Variants in AKAP10 observed in about 807,000 individuals in gnomAD.
AKAP10 encodes A-kinase anchoring protein 10, also known as A-kinase anchor protein 10, mitochondrial.
Under a neutral mutation model 80.8 loss-of-function variants are expected in AKAP10, and 24 were observed. The observed-to-expected ratio is 0.30, with a 90% CI of 0.22 to 0.42. The LOEUF (loss-of-function observed/expected upper bound fraction) is 0.42. Among genes scored for constraint, AKAP10 ranks in the 10% least tolerant of loss-of-function variants. The probability of loss-of-function intolerance (pLI) is 1.00; values close to 1 mark genes in which losing one functional copy is unlikely to be tolerated. For synonymous variants in AKAP10, 291 were observed against 277.7 expected (o/e 1.05, Z -0.48); for missense variants, 661 against 794.9 (o/e 0.83, Z 2.03).
rs1597485801 is a variant in AKAP10 at position 19,909,113 on chromosome 17, T to C, written c.1983+68A>G. The C allele has an allele frequency of 5.8e-6, 8 of 1,383,486 alleles. No individual in the cohort carries two copies. The East Asian group carries it at 1.2e-4, about 20-fold the overall frequency. The allele number at this position is 1,383,486 out of a possible 1,614,324, so 85.7% of individuals were successfully genotyped here. On this transcript the variant is annotated intron_variant, in intron 14 of 14. Coordinates refer to ENST00000225737, the MANE Select transcript of AKAP10 (RefSeq NM_007202.4). ...CCTTCAAAGGCAAAGAAACCCCTTATGTTCTTTTTTATTTTTACACCTGGA... is the reference window on the plus strand; with the variant it reads ...CCTTCAAAGGCAAAGAAACCCCTTACGTTCTTTTTTATTTTTACACCTGGA...
rs2043127062 is a variant in AKAP10, at chr17:19,946,271, ATATAT to A, written c.976+1131_976+1135del. Among the ~76,000 whole-genome samples, 12 of 23,354 alleles carry A rather than the reference ATATAT, an allele frequency of 5.1e-4. 2 individuals carry two copies. The highest frequency in any genetic ancestry group is 1.4e-3 in the East Asian group (1 of 718). The allele number at this position is 23,354 out of a possible 152,430, so 15.3% of individuals were successfully genotyped here. ...TATATATATATATATATATATATATATATATTTTTTTTTTTTTTTTTTTTTTTTGG... is the reference window on the plus strand; with the variant it reads ...TATATATATATATATATATATATATATTTTTTTTTTTTTTTTTTTTTTTGG... On this transcript the variant is annotated intron_variant, in intron 5 of 14. Coordinates refer to ENST00000225737, the MANE Select transcript of AKAP10 (RefSeq NM_007202.4).
intron 7 of AKAP10, 96 bp from the exon 8 acceptor site, chr17:19,939,945 A>T: frequency 7.3e-7 from 1 of 1,360,658 alleles, no homozygotes. Context: ...TACAGGTCAT[A>T]AGCAAAAAAC....
At chr17:19,933,793 T>C (rs2042963519) in intron 9 of AKAP10, among the ~76,000 whole-genome samples, 1 of 152,208 alleles carries the variant, frequency 6.6e-6, no homozygotes, top group Non-Finnish European at 1.5e-5. Context: ...TTAAGTTTTT[T>C]CACCTGGATA....
At chr17:19,974,906 G>A (rs994916765) in intron 1 of AKAP10, among the ~76,000 whole-genome samples, 2 of 151,968 alleles carry the variant, frequency 1.3e-5, no homozygotes, top group Non-Finnish European at 2.9e-5. Flanking sequence ...CTGGCCTCAG[G>A]TGATCCTCCT....
chr17:19,927,299 A>G (rs1014935205), intron 10 of AKAP10, among the ~76,000 whole-genome samples: 2 of 152,160 alleles, frequency 1.3e-5, no homozygotes, highest in African/African-American at 4.8e-5. Flanking sequence ...GTGCCACTGC[A>G]CTCCAGCCTG....
chr17:19,972,379 G>A (rs894568716), intron 1 of AKAP10, among the ~76,000 whole-genome samples: 7 of 152,034 alleles, frequency 4.6e-5, no homozygotes, highest in Non-Finnish European at 8.8e-5. Context: ...TTCCATACAC[G>A]TCCTGGATGT....
At position 19,958,329 on chromosome 17, in the gene AKAP10, G is replaced by T; in HGVS notation, c.562C>A (p.Pro188Thr). 1.2e-6 allele frequency: 2 copies of T among 1,614,208 alleles called. No individual in the cohort carries two copies. The highest frequency in any genetic ancestry group is 1.7e-6 in the Non-Finnish European group (2 of 1,180,036). ...KQSSLAEPVSPSKKHETTASF... is the reference protein window; with the variant it reads ...KQSSLAEPVSTSKKHETTASF... ...GCTGTAGTTTCATGCTTTTTAGATGGAGAGACAGGCTCAGCCAGTGAGCTC... is the reference window on the plus strand; with the variant it reads ...GCTGTAGTTTCATGCTTTTTAGATGTAGAGACAGGCTCAGCCAGTGAGCTC... Residue 188 changes from proline to threonine, a missense_variant, in exon 4 of 15, where the codon CCA (proline) becomes ACA (threonine). Coordinates refer to ENST00000225737, the MANE Select transcript of AKAP10 (RefSeq NM_007202.4).
chr17:19,945,885 A>G (rs2043098367), intron 5 of AKAP10, among the ~76,000 whole-genome samples: 1 of 152,022 alleles, frequency 6.6e-6, no homozygotes, highest in African/African-American at 2.4e-5. Flanking sequence ...AGAATGTAAT[A>G]TTTATTGAAT....
chr17:19,955,975 GAAAC>G (rs1258652438), intron 4 of AKAP10, among the ~76,000 whole-genome samples: 1 of 152,176 alleles, frequency 6.6e-6, no homozygotes, highest in Non-Finnish European at 1.5e-5. Flanking sequence ...GTGGGAGGCA[GAAAC>G]AAATACAGGC....
At chr17:19,917,088 C>T (rs978547448) in intron 12 of AKAP10, among the ~76,000 whole-genome samples, 5 of 151,730 alleles carry the variant, frequency 3.3e-5, no homozygotes, top group African/African-American at 1.2e-4. Context: ...CATGGTGAAA[C>T]CCCATCTCTA....
chr17:19,954,359 T>C (rs910665780), intron 4 of AKAP10, among the ~76,000 whole-genome samples: 5 of 151,994 alleles, frequency 3.3e-5, no homozygotes, highest in African/African-American at 1.2e-4. Context: ...CAACAAATGG[T>C]ATTAGAACAA....
chr17:19,968,852 C>T (rs1279912755), intron 1 of AKAP10, among the ~76,000 whole-genome samples: 1 of 152,060 alleles, frequency 6.6e-6, no homozygotes, highest in African/African-American at 2.4e-5. Context: ...AAATATATAC[C>T]TGTAAGGGGC....
chr17:19,949,076 C>T lies in AKAP10; in HGVS notation c.878-1571G>A, dbSNP rs141653962. Among the ~76,000 whole-genome samples, 401 of 152,108 alleles carry T rather than the reference C, an allele frequency of 2.6e-3. 1 individual carries two copies. The highest frequency in any genetic ancestry group is 9.1e-3 in the African/African-American group (379 of 41,482). On this transcript the variant is annotated intron_variant, in intron 4 of 14. Coordinates refer to ENST00000225737, the MANE Select transcript of AKAP10 (RefSeq NM_007202.4). Reference sequence around the variant, plus strand: ...AGAACCAGAAAATCCCATTATCTCACAAGAGAAAAGACAATCAAGAGGACA... The same window carrying T: ...AGAACCAGAAAATCCCATTATCTCATAAGAGAAAAGACAATCAAGAGGACA...
intron 9 of AKAP10, among the ~76,000 whole-genome samples, chr17:19,933,985 G>A (rs987549384): frequency 2.0e-5 from 3 of 152,020 alleles, no homozygotes; most frequent in East Asian, 1.9e-4. Flanking sequence ...GCAATGGTGC[G>A]ATCTCAGCTC....
chr17:19,959,135 G>A (rs542002968), intron 3 of AKAP10, among the ~76,000 whole-genome samples: 2 of 151,934 alleles, frequency 1.3e-5, no homozygotes, highest in Non-Finnish European at 2.9e-5. Flanking sequence ...TTGCAGGCGT[G>A]AGCCACTGCG....
chr17:19,946,275 A>ATATAT (rs1396725688), intron 5 of AKAP10, among the ~76,000 whole-genome samples: 1 of 12,944 alleles, frequency 7.7e-5, no homozygotes, highest in African/African-American at 2.5e-4. Flanking sequence ...ATATATATAT[A>ATATAT]TTTTTTTTTT....
chr17:19,964,784 T>C (rs1034441417), intron 2 of AKAP10, among the ~76,000 whole-genome samples: 3 of 152,096 alleles, frequency 2.0e-5, no homozygotes, highest in African/African-American at 7.2e-5. Flanking sequence ...TCCCAGCTAC[T>C]TGGGAGGCTG....
At chr17:19,943,940 G>C (rs914346526) in intron 5 of AKAP10, among the ~76,000 whole-genome samples, 2 of 152,126 alleles carry the variant, frequency 1.3e-5, no homozygotes, top group African/African-American at 4.8e-5. Flanking sequence ...CACACAACTA[G>C]AGTCATGGAA....
At chr17:19,962,220 A>AT (rs1012255940) in intron 3 of AKAP10, among the ~76,000 whole-genome samples, 2 of 152,008 alleles carry the variant, frequency 1.3e-5, no homozygotes, top group African/African-American at 4.8e-5. Context: ...GTTGTCCATA[A>AT]TTTTTTGCTA....
Sources: gnomAD v4.1 joint callset for allele counts (sites outside exome capture counted in the v4.1 genomes callset) on GRCh38, gnomAD v4.1.1 for gene constraint, MANE v1.5 for transcripts, NCBI Gene and HGNC (gene_info 2026-07-23, HGNC 2026-07-21) for gene names.